ZCCHC2: variants seen among roughly 807,000 people sequenced by gnomAD.
The protein encoded by ZCCHC2 is zinc finger CCHC-type containing 2, also known as zinc finger CCHC domain-containing protein 2.
In ZCCHC2, 39 loss-of-function variants were observed where a neutral mutation model predicts 103.6. The ratio of observed to expected loss-of-function variants is 0.38; its 90% CI spans 0.29 to 0.49. The LOEUF (loss-of-function observed/expected upper bound fraction) is 0.49, where lower values mean the gene tolerates loss of function less well. Among genes scored for constraint, ZCCHC2 ranks in the 20% least tolerant of loss-of-function variants. ZCCHC2 has a pLI of 0.96. For missense variants in ZCCHC2, 1,483 were observed against 1,491.0 expected (o/e 0.99, Z 0.09); for synonymous variants, 687 against 608.9 (o/e 1.13, Z -1.89).
In ZCCHC2 at chr18:62,560,600, T is replaced by C. The variant is rs17070100; in HGVS notation, c.1506T>C (p.His502=). Residue 502 remains histidine, a synonymous_variant, in exon 8 of 14, where the codon CAT becomes CAC. Coordinates refer to ENST00000269499, the MANE Select transcript of ZCCHC2 (RefSeq NM_017742.6). ...ASSQEEDVLQ[H]AIIHKKHTGK... ...CCTCTCTTCTAGATGTGTTGCAGCA[T>C]GCCATAATCCACAAGAAGCATACTG... 185,534 of 1,611,896 alleles carry C rather than the reference T, an allele frequency of 0.12. 12,091 individuals are homozygous for C. The highest frequency in any genetic ancestry group is 0.23 in the African/African-American group (17,183 of 74,922).
chr18:62,557,209 T>C (rs1915922732), intron 6 of ZCCHC2, among the ~76,000 whole-genome samples: 1 of 152,232 alleles, frequency 6.6e-6, no homozygotes, highest in Non-Finnish European at 1.5e-5. Context: ...TTTCTACACA[T>C]CTACCTCAGC....
intron 5 of ZCCHC2, among the ~76,000 whole-genome samples, chr18:62,551,043 G>T (rs1273975817): frequency 6.6e-6 from 1 of 152,218 alleles, no homozygotes; most frequent in African/African-American, 2.4e-5. Context: ...CGTCATTGGC[G>T]GCACAAGGAC....
At chr18:62,555,144 A>G (rs550064869) in intron 5 of ZCCHC2, among the ~76,000 whole-genome samples, 72 of 152,332 alleles carry the variant, frequency 4.7e-4, no homozygotes, top group African/African-American at 1.6e-3. Context: ...TGAAAGGCTA[A>G]CTGGCTTGTT....
At chr18:62,582,532 A>C (rs1917063559), downstream of ZCCHC2, among the ~76,000 whole-genome samples, 1 of 152,126 alleles carries the variant, frequency 6.6e-6, no homozygotes, top group Non-Finnish European at 1.5e-5. Context: ...ACAAAAACTT[A>C]GCCGGGCATG....
At chr18:62,582,251 C>T (rs1917055511), downstream of ZCCHC2, among the ~76,000 whole-genome samples, 1 of 152,104 alleles carries the variant, frequency 6.6e-6, no homozygotes, top group South Asian at 2.1e-4. Context: ...TTAGGCATGG[C>T]CAGGAGGGCC....
At chr18:62,579,280 T>C (rs1462252429), downstream of ZCCHC2, among the ~76,000 whole-genome samples, 1 of 152,260 alleles carries the variant, frequency 6.6e-6, no homozygotes, top group Non-Finnish European at 1.5e-5. Context: ...AGTGTGATTT[T>C]ATTAGCCAGG....
rs748121865 is a variant in ZCCHC2, at chr18:62,575,080, C to T, written c.2999C>T (p.Thr1000Ile). Residue 1000 changes from threonine (T) to isoleucine (I), a missense_variant, in exon 13 of 14, where the codon ACA becomes ATA. This residue lies in a region of ZCCHC2 where 884 missense variants were observed against 907.5 expected (regional missense o/e 0.97). Coordinates refer to ENST00000269499, the MANE Select transcript of ZCCHC2 (RefSeq NM_017742.6). ...GTGGGGAACACGAACGCTAATGGGACAGTAGTGCCACCGCAGCAGATGGGC... is the reference window on the plus strand; with the variant it reads ...GTGGGGAACACGAACGCTAATGGGATAGTAGTGCCACCGCAGCAGATGGGC... ...SAVGNTNANG[T>I]VVPPQQMGSG... The T allele has an allele frequency of 4.3e-6, 7 of 1,613,890 alleles. No individual in the cohort carries two copies. The African/African-American group carries it at 5.3e-5, about 12-fold the overall frequency.
At chr18:62,529,178 A>G (rs1914575917) in intron 1 of ZCCHC2, among the ~76,000 whole-genome samples, 1 of 151,956 alleles carries the variant, frequency 6.6e-6, no homozygotes, top group South Asian at 2.1e-4. Flanking sequence ...AAAAAAAAAA[A>G]AAAGATGCTT....
intron 6 of ZCCHC2, among the ~76,000 whole-genome samples, chr18:62,557,140 C>T (rs1440031329): frequency 2.6e-5 from 4 of 152,242 alleles, no homozygotes; most frequent in African/African-American, 7.2e-5. Context: ...TCTTATGTTC[C>T]GTATGTTGAG....
intron 12 of ZCCHC2, among the ~76,000 whole-genome samples, chr18:62,572,020 A>C (rs955793151): frequency 6.6e-6 from 1 of 152,236 alleles, no homozygotes; most frequent in Non-Finnish European, 1.5e-5. Flanking sequence ...GTGAAAGAAA[A>C]AAAATGAAAA....
At chr18:62,571,972 T>C (rs1029240710) in intron 12 of ZCCHC2, among the ~76,000 whole-genome samples, 5 of 152,230 alleles carry the variant, frequency 3.3e-5, no homozygotes, top group African/African-American at 4.8e-5. Flanking sequence ...ATTCTTCTAA[T>C]CTGAGGCAAC....
chr18:62,580,375 A>G (rs1917010549), downstream of ZCCHC2, among the ~76,000 whole-genome samples: 3 of 152,228 alleles, frequency 2.0e-5, no homozygotes, highest in Admixed American at 2.0e-4. Flanking sequence ...CTGGGAGTGC[A>G]GCGGCTGGGT....
At chr18:62,564,969 T>C in intron 10 of ZCCHC2, 33 bp from the exon 11 acceptor site, 2 of 1,490,438 alleles carry the variant, frequency 1.3e-6, no homozygotes, top group Non-Finnish European at 1.9e-6. Context: ...GATAACCTTA[T>C]TAAAATGTTG....
At chr18:62,563,785 C>CT (rs112759439) in intron 9 of ZCCHC2, among the ~76,000 whole-genome samples, 131 of 152,332 alleles carry the variant, frequency 8.6e-4, no homozygotes, top group African/African-American at 3.0e-3. Context: ...ATTTCAATCA[C>CT]TGCCTTGCTA....
chr18:62,560,666 C>T (rs774036433), intron 8 of ZCCHC2, 22 bp downstream of exon 8: 2 of 1,593,208 alleles, frequency 1.3e-6, no homozygotes, highest in Non-Finnish European at 1.7e-6. Context: ...CTTTCTAAAA[C>T]AAAAAGTGCT....
In ZCCHC2 at chr18:62,574,200, C is replaced by T. The variant is rs779302231; in HGVS notation, c.2119C>T (p.Pro707Ser). 6.2e-6 allele frequency: 10 copies of T among 1,613,896 alleles called. No homozygotes were observed. In the East Asian group the frequency reaches 8.9e-5, roughly 14 times the overall value. Reference sequence around the variant, plus strand: ...TGAGAATGGAAACCTTTTAGAAGATCCCTTAAACTCACCCAAGTATCAGCA... The same window carrying T: ...TGAGAATGGAAACCTTTTAGAAGATTCCTTAAACTCACCCAAGTATCAGCA... ...GNENGNLLED[P>S]LNSPKYQHIS... The change falls in exon 13 of 14, where the codon CCC (proline) becomes TCC (serine). Residue 707 changes from proline to serine, a missense_variant. Transcript: ENST00000269499.
chr18:62,565,556 A>AT (rs1234270500), intron 11 of ZCCHC2, among the ~76,000 whole-genome samples: 1 of 152,052 alleles, frequency 6.6e-6, no homozygotes, highest in East Asian at 1.9e-4. Context: ...CAACCCTCAA[A>AT]TTTTTGTTAT....
At position 62,586,729 on chromosome 18, in the gene ZCCHC2, C is replaced by T. The variant is rs1019093823; in HGVS notation, c.*2357C>T. 12 of 152,222 alleles carry T rather than the reference C, an allele frequency of 7.9e-5. No homozygotes were observed. In the South Asian group the frequency reaches 2.1e-3, roughly 26 times the overall value. The allele number at this position is 152,222 out of a possible 1,614,324, so 9.4% of individuals were successfully genotyped here. On this transcript the variant is annotated 3_prime_UTR_variant and NMD_transcript_variant, in exon 15 of 15. Transcript: ENST00000585873. Reference sequence around the variant, plus strand: ...CAAATAAAGTGCATTAGCACACGGTCGTCTTGCTTCTCTATGTGTTGTCTG... The same window carrying T: ...CAAATAAAGTGCATTAGCACACGGTTGTCTTGCTTCTCTATGTGTTGTCTG...
intron 4 of ZCCHC2, among the ~76,000 whole-genome samples, chr18:62,546,761 C>T (rs1447666966): frequency 6.6e-6 from 1 of 152,204 alleles, no homozygotes; most frequent in African/African-American, 2.4e-5. Context: ...CAGATTTCTT[C>T]AGTCGCCCAT....
Sources: allele counts gnomAD v4.1 joint callset (sites outside exome capture counted in the v4.1 genomes callset), GRCh38; gene constraint gnomAD v4.1.1; regional missense constraint gnomAD v4.1.1; transcripts MANE v1.5; gene names NCBI Gene and HGNC (gene_info 2026-07-23, HGNC 2026-07-21).